The following MPP7 variants were observed in gnomAD, a reference collection of about 807,000 sequenced individuals.
The protein encoded by MPP7 is MAGUK p55 subfamily member 7.
A neutral mutation model predicts 76.5 loss-of-function variants in MPP7; 60 were observed. The ratio of observed to expected loss-of-function variants is 0.78; its 90% CI spans 0.64 to 0.97. The LOEUF (loss-of-function observed/expected upper bound fraction) is 0.97, where lower values mean the gene tolerates loss of function less well. Among genes scored for constraint, MPP7 ranks in the 50% least tolerant of loss-of-function variants. The pLI is 0.00. For synonymous variants in MPP7, 237 were observed against 244.5 expected (o/e 0.97, Z 0.29); for missense variants, 641 against 694.0 (o/e 0.92, Z 0.86).
At chr10:28,186,359 AG>A (rs1221817571) in intron 3 of MPP7, among the ~76,000 whole-genome samples, 3 of 150,602 alleles carry the variant, frequency 2.0e-5, no homozygotes, top group African/African-American at 4.9e-5. Flanking sequence ...AAAAAAAAAA[AG>A]AGAAAGAAAG....
chr10:28,284,888 T>A (rs1840758324), intron 1 of MPP7, among the ~76,000 whole-genome samples: 1 of 152,240 alleles, frequency 6.6e-6, no homozygotes, highest in African/African-American at 2.4e-5. Context: ...ACAAGTGTTT[T>A]AATTTTTTTA....
intron 6 of MPP7, among the ~76,000 whole-genome samples, chr10:28,130,973 G>A (rs1284793405): frequency 1.3e-5 from 2 of 151,770 alleles, no homozygotes; most frequent in Non-Finnish European, 2.9e-5. Flanking sequence ...AATAATTTTG[G>A]AAATTTCTTC....
At chr10:28,178,086 G>T (rs1004637640) in intron 3 of MPP7, among the ~76,000 whole-genome samples, 6 of 152,082 alleles carry the variant, frequency 3.9e-5, no homozygotes, top group African/African-American at 9.7e-5. Context: ...GAGTTTTTAA[G>T]TTCTGGCACT....
At chr10:28,170,176 C>T (rs1836631942) in intron 3 of MPP7, among the ~76,000 whole-genome samples, 1 of 151,848 alleles carries the variant, frequency 6.6e-6, no homozygotes, top group Non-Finnish European at 1.5e-5. Flanking sequence ...TATGTATATA[C>T]ATATATATGT....
At chr10:28,099,434 G>C (rs1853712236) in intron 11 of MPP7, among the ~76,000 whole-genome samples, 1 of 152,138 alleles carries the variant, frequency 6.6e-6, no homozygotes. Flanking sequence ...TATATGTGTT[G>C]ATAGCATGGG....
intron 2 of MPP7, among the ~76,000 whole-genome samples, chr10:28,328,706 C>A (rs1148186): frequency 5.3e-5 from 8 of 151,688 alleles, no homozygotes; most frequent in Non-Finnish European, 2.9e-5. Flanking sequence ...CTTCTAATAC[C>A]TTTTAGTTAT....
rs570792955 is a variant in MPP7 at position 28,205,310 on chromosome 10, G to A, written c.38-3039C>T. 2.6e-5 allele frequency among the ~76,000 whole-genome samples: 4 copies of A among 152,176 alleles called. No individual in the cohort carries two copies. The South Asian group carries it at 8.3e-4, about 32-fold the overall frequency. ...CCATCTCTGGCCATGCATAAAATGG[G>A]GCCTGTGTTTTAACATGTTTTTTAA... On this transcript the variant is annotated intron_variant, in intron 2 of 16. Transcript: ENST00000683449.
intron 13 of MPP7, among the ~76,000 whole-genome samples, chr10:28,062,607 A>G (rs1346483309): frequency 6.6e-6 from 1 of 151,260 alleles, no homozygotes; most frequent in East Asian, 1.9e-4. Flanking sequence ...ATATTAGAAA[A>G]GCAGTAGAAT....
chr10:28,223,341 T>C (rs1174410833), intron 2 of MPP7, among the ~76,000 whole-genome samples: 1 of 152,202 alleles, frequency 6.6e-6, no homozygotes, highest in Non-Finnish European at 1.5e-5. Context: ...GATTAATTCT[T>C]GTTTCTTAAG....
At chr10:28,235,135 C>T (rs1000732505) in intron 2 of MPP7, among the ~76,000 whole-genome samples, 18 of 151,382 alleles carry the variant, frequency 1.2e-4, no homozygotes, top group African/African-American at 4.1e-4. Context: ...TCATTATGGC[C>T]AAGAGAAGCT....
chr10:28,118,795 T>G (rs1834737421), intron 11 of MPP7: 1 of 985,338 alleles, frequency 1.0e-6, no homozygotes, highest in Non-Finnish European at 1.2e-6. Context: ...CTGGGCTATA[T>G]GCTTCTGCAA....
chr10:28,197,521 T>C (rs1837628042), intron 3 of MPP7, among the ~76,000 whole-genome samples: 1 of 152,138 alleles, frequency 6.6e-6, no homozygotes, highest in Non-Finnish European at 1.5e-5. Context: ...AGGTTCCAAC[T>C]TAAGATACCA....
chr10:28,328,980 C>T (rs910001234), intron 2 of MPP7, among the ~76,000 whole-genome samples: 7 of 152,060 alleles, frequency 4.6e-5, no homozygotes, highest in Non-Finnish European at 8.8e-5. Flanking sequence ...TTTTATTGTG[C>T]TACATAGTAA....
intron 2 of MPP7, among the ~76,000 whole-genome samples, chr10:28,314,480 G>T (rs1217344834): frequency 6.6e-6 from 1 of 152,202 alleles, no homozygotes; most frequent in Non-Finnish European, 1.5e-5. Context: ...TGATGAAAGA[G>T]CTGGTGTTGC....
intron 2 of MPP7, chr10:28,236,545 C>CT (rs1839079983): frequency 6.6e-6 from 1 of 151,918 alleles, no homozygotes; most frequent in Admixed American, 6.6e-5. Context: ...ACAGGAAACT[C>CT]TTACAGGCTA....
intron 1 of MPP7, among the ~76,000 whole-genome samples, chr10:28,249,601 T>C (rs927680686): frequency 6.6e-6 from 1 of 152,130 alleles, no homozygotes; most frequent in African/African-American, 2.4e-5. Context: ...AAAAAGGTCA[T>C]ATGTGCCCAG....
At position 28,191,290 on chromosome 10, in the gene MPP7, C is replaced by T. The variant is rs552613557; in HGVS notation, c.156+10863G>A. Among the ~76,000 whole-genome samples, 13 of 152,176 alleles carry T rather than the reference C, an allele frequency of 8.5e-5. No homozygotes were observed. The South Asian group carries it at 2.1e-3, about 24-fold the overall frequency. The stretch of plus-strand genomic sequence containing the variant: ...AGAGTATACTTCCTACCTCATTCTA[C>T]GAGGCCAGCATTATCTTATTATCAA... On this transcript the variant is annotated intron_variant, in intron 3 of 16. Transcript: ENST00000683449.
chr10:28,330,640 G>T (rs1412369236), intron 1 of MPP7, among the ~76,000 whole-genome samples: 2 of 152,046 alleles, frequency 1.3e-5, no homozygotes, highest in East Asian at 3.9e-4. Context: ...AAAATATGGG[G>T]TTGCTTTTTT....
At chr10:28,191,196 A>G (rs1433136441) in intron 3 of MPP7, among the ~76,000 whole-genome samples, 1 of 152,182 alleles carries the variant, frequency 6.6e-6, no homozygotes, top group Non-Finnish European at 1.5e-5. Context: ...GAATTCTACA[A>G]AACACTTAAG....
Sources: gnomAD v4.1 joint callset for allele counts (sites outside exome capture counted in the v4.1 genomes callset) on GRCh38, gnomAD v4.1.1 for gene constraint, MANE v1.5 for transcripts, NCBI Gene and HGNC (gene_info 2026-07-23, HGNC 2026-07-21) for gene names.